RAD51: variants seen among roughly 807,000 people sequenced by gnomAD.
RAD51 encodes RAD51 recombinase, also known as DNA repair protein RAD51 homolog 1.
RAD51 carries 14 observed loss-of-function variants against 41.5 expected under a neutral mutation model. The observed-to-expected ratio is 0.34, with a 90% CI of 0.22 to 0.53. The LOEUF is 0.53. RAD51 is among the 20% of genes least tolerant of loss of function. The pLI, the probability that RAD51 is intolerant of heterozygous loss-of-function variation, is 0.95. For missense variants in RAD51, 234 were observed against 422.0 expected (o/e 0.55, Z 3.90); for synonymous variants, 136 against 148.6 (o/e 0.92, Z 0.62).
chr15:40,707,941 G>T (rs1895456896), intron 4 of RAD51, among the ~76,000 whole-genome samples: 1 of 148,880 alleles, frequency 6.7e-6, no homozygotes, highest in Non-Finnish European at 1.5e-5. Context: ...TGGTCTCAAA[G>T]TCCTGACCTC....
intron 7 of RAD51, among the ~76,000 whole-genome samples, chr15:40,729,026 A>G (rs1247482112): frequency 6.6e-6 from 1 of 152,146 alleles, no homozygotes; most frequent in Admixed American, 6.5e-5. Context: ...CTTGCTGGAA[A>G]TCTTGTTAAA....
rs574644219 is a variant in RAD51 at position 40,728,909 on chromosome 15, A to G, written c.644+85A>G. On this transcript the variant is annotated intron_variant, in intron 7 of 9. Transcript: ENST00000267868. Reference sequence around the variant, plus strand: ...ATGGCTATTTGGCCAGATTGATAGTAGTTTGAATTAGAAATGAGGAGGTTT... The same window carrying G: ...ATGGCTATTTGGCCAGATTGATAGTGGTTTGAATTAGAAATGAGGAGGTTT... The G allele has an allele frequency of 5.2e-6, 6 of 1,151,514 alleles. No individual in the cohort carries two copies. The Middle Eastern group carries it at 5.9e-4, about 112-fold the overall frequency. The allele number at this position is 1,151,514 out of a possible 1,614,324, so 71.3% of individuals were successfully genotyped here.
chr15:40,724,673 TC>T (rs1567051949), intron 6 of RAD51, among the ~76,000 whole-genome samples: 1 of 82,000 alleles, frequency 1.2e-5, no homozygotes. Context: ...TTTTTTTATT[TC>T]TTTTTTTTTT....
intron 5 of RAD51, among the ~76,000 whole-genome samples, chr15:40,713,688 G>C (rs1427626705): frequency 6.7e-6 from 1 of 148,934 alleles, no homozygotes; most frequent in African/African-American, 2.5e-5. Context: ...CTCACTGCAA[G>C]CTCCGCCTCC....
chr15:40,711,987 G>A (rs997171885), intron 5 of RAD51, among the ~76,000 whole-genome samples: 18 of 151,272 alleles, frequency 1.2e-4, no homozygotes, highest in African/African-American at 4.1e-4. Context: ...CGGGAGAATC[G>A]CTTGAGCCCA....
intron 4 of RAD51, among the ~76,000 whole-genome samples, chr15:40,708,299 G>A (rs1255901769): frequency 6.7e-6 from 1 of 149,514 alleles, no homozygotes; most frequent in Non-Finnish European, 1.5e-5. Context: ...CGTGATCTCG[G>A]CTTGCTGCAG....
At chr15:40,722,640 T>C (rs1487380347) in intron 6 of RAD51, among the ~76,000 whole-genome samples, 2 of 152,182 alleles carry the variant, frequency 1.3e-5, no homozygotes, top group Non-Finnish European at 2.9e-5. Context: ...CTGAACTGTA[T>C]ACTTTAAAAT....
chr15:40,713,800 T>G (rs191961842), intron 5 of RAD51, among the ~76,000 whole-genome samples: 1,752 of 150,730 alleles, frequency 0.012, 10 homozygotes, highest in Middle Eastern at 0.045. Context: ...TAGAGACAGG[T>G]TTTCACCGTA....
chr15:40,728,590 C>G (rs766802350), intron 6 of RAD51, 121 bp from the exon 7 acceptor site: 3 of 853,168 alleles, frequency 3.5e-6, no homozygotes, highest in Non-Finnish European at 6.0e-6. Context: ...TTCTTTGGTC[C>G]TGAAACTACT....
chr15:40,718,758 A>G (rs770990440), intron 5 of RAD51, 47 bp from the exon 6 acceptor site: 3 of 1,483,434 alleles, frequency 2.0e-6, no homozygotes, highest in Admixed American at 3.3e-5. Flanking sequence ...GGTCAGCTGT[A>G]TCAGAAATAC....
intron 5 of RAD51, among the ~76,000 whole-genome samples, chr15:40,716,481 C>G (rs1895992875): frequency 6.6e-6 from 1 of 151,552 alleles, no homozygotes; most frequent in African/African-American, 2.4e-5. Flanking sequence ...TTCTTGTGCC[C>G]CAGCCTCCCG....
At chr15:40,701,334 G>GTTTCTTTTCTTCT in intron 3 of RAD51, 133 bp downstream of exon 3, 2 of 828,640 alleles carry the variant, frequency 2.4e-6, no homozygotes, top group Admixed American at 5.7e-5. Flanking sequence ...ACTGTTACCT[G>GTTTCTTTTCTTCT]TTTCTTTTCT....
At chr15:40,697,641 G>C (rs1000455513) in intron 1 of RAD51, among the ~76,000 whole-genome samples, 2 of 141,004 alleles carry the variant, frequency 1.4e-5, no homozygotes, top group Admixed American at 7.6e-5. Context: ...GCAGTGGCGC[G>C]ATCTTGGCTC....
At position 40,696,108 on chromosome 15, in the gene RAD51, C is replaced by T. The variant is rs140018201; in HGVS notation, c.-3+683C>T. ...GGTCAGGCTGGTCTCGAACTTCTGA[C>T]CTCAGGTTATCCACCCGCCTCTGCC... is the stretch of plus-strand genomic sequence containing the variant. On this transcript the variant is annotated intron_variant, in intron 1 of 9. Transcript: ENST00000267868. Among the ~76,000 whole-genome samples the T allele has an allele frequency of 4.9e-3, 746 of 152,164 alleles. 11 individuals are homozygous for T. Among genetic ancestry groups the T allele is most frequent in the African/African-American group, 0.017 (711 of 41,534 alleles).
chr15:40,711,358 G>A (rs981554811), intron 5 of RAD51, among the ~76,000 whole-genome samples: 2 of 152,208 alleles, frequency 1.3e-5, no homozygotes, highest in Non-Finnish European at 2.9e-5. Flanking sequence ...AGCCCAAGAG[G>A]TCGAGGCTCC....
chr15:40,702,521 G>GT (rs200804254), intron 3 of RAD51, among the ~76,000 whole-genome samples: 259 of 150,944 alleles, frequency 1.7e-3, no homozygotes, highest in African/African-American at 4.3e-3. Context: ...TTTGTTTTCT[G>GT]TTTTTTTTTG....
At chr15:40,714,091 A>G (rs1302800808) in intron 5 of RAD51, among the ~76,000 whole-genome samples, 1 of 145,528 alleles carries the variant, frequency 6.9e-6, no homozygotes, top group Non-Finnish European at 1.5e-5. Flanking sequence ...AGCCTCCCAC[A>G]TAGCTGGGAT....
intron 5 of RAD51, among the ~76,000 whole-genome samples, chr15:40,709,896 C>G (rs2141837984): frequency 6.6e-6 from 1 of 152,164 alleles, no homozygotes; most frequent in East Asian, 1.9e-4. Context: ...GGCACGGTGG[C>G]TCACGCCTGT....
At chr15:40,724,869 AT>A (rs1205823305) in intron 6 of RAD51, among the ~76,000 whole-genome samples, 4 of 113,288 alleles carry the variant, frequency 3.5e-5, no homozygotes, top group African/African-American at 7.0e-5. Flanking sequence ...TTTAATTTTA[AT>A]TTTTTTTAAT....
Sources: gnomAD v4.1 joint callset for allele counts (sites outside exome capture counted in the v4.1 genomes callset) on GRCh38, gnomAD v4.1.1 for gene constraint, MANE v1.5 for transcripts, NCBI Gene and HGNC (gene_info 2026-07-23, HGNC 2026-07-21) for gene names.